ATP2A2: variants seen among roughly 807,000 people sequenced by gnomAD.
ATP2A2 encodes ATPase sarcoplasmic/endoplasmic reticulum Ca2+ transporting 2.
In ATP2A2, 14 loss-of-function variants were observed where a neutral mutation model predicts 109.3. The ratio of observed to expected loss-of-function variants is 0.13; its 90% confidence interval spans 0.08 to 0.20. The LOEUF is 0.20. ATP2A2 is among the 10% of genes least tolerant of loss of function. ATP2A2 has a pLI of 1.00. For synonymous variants in ATP2A2, 506 were observed against 490.9 expected, an observed-to-expected ratio of 1.03 and a Z score of -0.41; for missense variants, 657 against 1,321.6, an observed-to-expected ratio of 0.50 and a Z score of 7.80.
At chr12:110,336,642 T>C (rs1489586585) in intron 11 of ATP2A2, among the ~76,000 whole-genome samples, 1 of 152,216 alleles carries the variant, frequency 6.6e-6, no homozygotes, top group Admixed American at 6.5e-5. Context: ...CCGGTTAGTG[T>C]GAGGCAGCAT....
chr12:110,347,452 G>GT lies in ATP2A2; in HGVS notation c.*983dup. Reference sequence around the variant, plus strand: ...AGGGGAAGAAGGCTCCTGCTCTGCTGTGTAGGTAGTCATAGGAATTGTATT... The same window carrying GT: ...AGGGGAAGAAGGCTCCTGCTCTGCTGTTGTAGGTAGTCATAGGAATTGTATT... On this transcript the variant is annotated 3_prime_UTR_variant, in exon 20 of 20. Transcript: ENST00000539276. 3.9e-6 allele frequency: 5 copies of GT among 1,289,042 alleles called. No homozygotes were observed. The highest frequency in any genetic ancestry group is 4.0e-6 in the Non-Finnish European group (4 of 988,634). 79.9% of individuals were successfully genotyped at this position (1,289,042 alleles called of 1,614,324 possible). A position where few individuals can be genotyped will look rare whatever the true frequency, so the allele number is the denominator to read the frequency against.
At chr12:110,331,967 T>G (rs1878385106) in intron 8 of ATP2A2, 1 of 154,936 alleles carries the variant, frequency 6.5e-6, no homozygotes, top group South Asian at 2.0e-4. Flanking sequence ...ATCTGTATTG[T>G]CTAGGGAACA....
rs1879995195 is a variant in ATP2A2, at chr12:110,347,547, A to G, written c.*1077A>G. The stretch of plus-strand genomic sequence containing the variant: ...GCAAGTTTCTGCTGGCCTGGTATAG[A>G]GAACATAAGGGCAAGTGTGTATGTG... On this transcript the variant is annotated 3_prime_UTR_variant, in exon 20 of 20. Coordinates refer to ENST00000539276, the MANE Select transcript of ATP2A2 (RefSeq NM_170665.4). The G allele has an allele frequency of 7.8e-7, 1 of 1,287,420 alleles. No homozygotes were observed. Among genetic ancestry groups the G allele is most frequent in the South Asian group, 1.2e-5 (1 of 80,956 alleles). 79.7% of individuals were successfully genotyped at this position (1,287,420 alleles called of 1,614,324 possible).
intron 5 of ATP2A2, among the ~76,000 whole-genome samples, chr12:110,320,952 G>A (rs886851646): frequency 6.6e-6 from 1 of 152,234 alleles, no homozygotes; most frequent in African/African-American, 2.4e-5. Flanking sequence ...GTGTTGGCTG[G>A]GTGCAGTGGC....
chr12:110,299,363 G>A (rs908586495), intron 5 of ATP2A2, among the ~76,000 whole-genome samples: 1 of 152,152 alleles, frequency 6.6e-6, no homozygotes, highest in African/African-American at 2.4e-5. Context: ...TGAAGATATA[G>A]GGAGGCTATT....
chr12:110,334,091 A>G lies in ATP2A2; in HGVS notation c.1367A>G (p.Asp456Gly). The G allele has an allele frequency of 6.2e-7, 1 of 1,614,170 alleles. No individual in the cohort carries two copies. The highest frequency in any genetic ancestry group is 8.5e-7 in the Non-Finnish European group (1 of 1,180,048). ...TCLVEKMNVFDTELKGLSKIE... is the reference protein window; with the variant it reads ...TCLVEKMNVFGTELKGLSKIE... ...CTAGTAGAGAAGATGAATGTATTTG[A>G]TACCGAATTGAAGGGTCTTTCTAAA... The change falls in exon 11 of 20, where the codon GAT becomes GGT. Residue 456 changes from aspartate (D) to glycine (G), a missense_variant. Around this residue, in one of 9 missense-constraint regions of ATP2A2, gnomAD observed 180 missense variants for 329.1 expected, o/e 0.55. Coordinates refer to ENST00000539276, the MANE Select transcript of ATP2A2 (RefSeq NM_170665.4).
intron 5 of ATP2A2, among the ~76,000 whole-genome samples, chr12:110,311,840 C>G (rs1021995910): frequency 6.6e-6 from 1 of 151,590 alleles, no homozygotes; most frequent in Non-Finnish European, 1.5e-5. Flanking sequence ...GAGTTTGAGA[C>G]CAGCCTGGGC....
chr12:110,327,696 A>G lies in ATP2A2; in HGVS notation c.774A>G (p.Glu258=), dbSNP rs1877944881. 4 of 1,614,198 alleles carry G rather than the reference A, an allele frequency of 2.5e-6. No homozygotes were observed. The highest frequency in any genetic ancestry group is 1.1e-5 in the South Asian group (1 of 91,084). ...AGCAAAAACTAGATGAATTTGGGGA[A>G]CAGCTTTCCAAAGTCATCTCCCTTA... ...PLQQKLDEFG[E]QLSKVISLIC... is the part of the protein sequence containing the mutation. The change falls in exon 8 of 20, where the codon GAA becomes GAG. Residue 258 remains glutamate, a synonymous_variant. Coordinates refer to ENST00000539276, the MANE Select transcript of ATP2A2 (RefSeq NM_170665.4). This position sits in a 1 kb window ranked among gnomAD's most constrained non-coding sequence, Gnocchi z 4.4.
intron 3 of ATP2A2, among the ~76,000 whole-genome samples, chr12:110,287,669 C>T (rs530155251): frequency 2.2e-4 from 34 of 152,182 alleles, no homozygotes; most frequent in Non-Finnish European, 4.1e-4. Context: ...GATTGGAGTG[C>T]AGTGGTGCGA....
chr12:110,345,427 C>T, intron 18 of ATP2A2, 45 bp downstream of exon 18: 1 of 1,612,666 alleles, frequency 6.2e-7, no homozygotes, highest in Non-Finnish European at 8.5e-7. Context: ...TGGTGACTGC[C>T]AGGGCACCGG....
At chr12:110,302,489 T>C (rs1056940761) in intron 5 of ATP2A2, among the ~76,000 whole-genome samples, 8 of 152,078 alleles carry the variant, frequency 5.3e-5, no homozygotes, top group East Asian at 3.8e-4. Context: ...CCACTTTTTT[T>C]CCCCAGCTCT....
chr12:110,345,711 G>A (rs369507763), intron 18 of ATP2A2: 17 of 570,518 alleles, frequency 3.0e-5, no homozygotes, highest in African/African-American at 9.4e-5. Flanking sequence ...AGTTAAGCCC[G>A]TGACAAAAAT....
chr12:110,347,065 G>T lies in ATP2A2; in HGVS notation c.*595G>T. ...CCCCACCTTACCCCCGCCCCGCTTG[G>T]CTTCTTCTTTAGGATTGTGATGGTT... is the stretch of plus-strand genomic sequence containing the variant. On this transcript the variant is annotated 3_prime_UTR_variant, in exon 20 of 20. Transcript: ENST00000539276. 1 of 1,047,670 alleles carries T rather than the reference G, an allele frequency of 9.5e-7. No homozygotes were observed. The highest frequency in any genetic ancestry group is 5.2e-5 in the Admixed American group (1 of 19,404). 64.9% of individuals were successfully genotyped at this position (1,047,670 alleles called of 1,614,324 possible).
intron 3 of ATP2A2, among the ~76,000 whole-genome samples, chr12:110,285,152 A>G (rs1247743565): frequency 6.6e-6 from 1 of 152,268 alleles, no homozygotes; most frequent in Non-Finnish European, 1.5e-5. Flanking sequence ...ACTAAGTAGT[A>G]AACTGTTAAC....
intron 8 of ATP2A2, chr12:110,332,372 C>A: frequency 1.8e-6 from 1 of 546,992 alleles, no homozygotes; most frequent in Non-Finnish European, 3.3e-6. Flanking sequence ...TCATACTGTT[C>A]GATTGGTCGG....
In ATP2A2 at chr12:110,350,223, TTAAA is replaced by T. The variant is rs949913737; in HGVS notation, c.*3756_*3759del. 6.2e-7 allele frequency: 1 copy of T among 1,614,094 alleles called. No individual in the cohort carries two copies. Among genetic ancestry groups the T allele is most frequent in the Non-Finnish European group, 8.5e-7 (1 of 1,180,004 alleles). On this transcript the variant is annotated 3_prime_UTR_variant, in exon 20 of 20. Coordinates refer to ENST00000539276, the MANE Select transcript of ATP2A2 (RefSeq NM_170665.4). ...TCTGTCGCTGTTGATCTTCATCTAT[TTAAA>T]TAGGTATTCTAACGTTTCCTCTCTG...
Position 110,347,617 on chromosome 12 carries a change from AAATG to A in ATP2A2, c.*1150_*1153del. ...TAAAATCTGTAAATAGCACATGACC[AAATG>A]AACATATTGTATAGAACTATTTTTA... On this transcript the variant is annotated 3_prime_UTR_variant, in exon 20 of 20. Coordinates refer to ENST00000539276, the MANE Select transcript of ATP2A2 (RefSeq NM_170665.4). The A allele has an allele frequency of 9.1e-6, 11 of 1,213,550 alleles. No homozygotes were observed. The highest frequency in any genetic ancestry group is 1.2e-5 in the Non-Finnish European group (11 of 950,978). 75.2% of individuals were successfully genotyped at this position (1,213,550 alleles called of 1,614,324 possible). A position where few individuals can be genotyped will look rare whatever the true frequency, so the allele number is the denominator to read the frequency against.
At position 110,348,037 on chromosome 12, in the gene ATP2A2, C is replaced by T. The variant is rs1055041169; in HGVS notation, c.*1567C>T. On this transcript the variant is annotated 3_prime_UTR_variant, in exon 20 of 20. Transcript: ENST00000539276. ...CCTAGGACAAGATGACCAGGAGGGC[C>T]CAAGCCAGACAAAAGCCGGAGTGGG... The T allele has an allele frequency of 5.1e-6, 5 of 986,508 alleles. 1 individual carries two copies. In the African/African-American group the frequency reaches 8.7e-5, roughly 17 times the overall value. The allele number at this position is 986,508 out of a possible 1,614,324, so 61.1% of individuals were successfully genotyped here.
At chr12:110,343,839 T>C (rs1303441617) in intron 16 of ATP2A2, among the ~76,000 whole-genome samples, 3 of 152,188 alleles carry the variant, frequency 2.0e-5, no homozygotes, top group Non-Finnish European at 4.4e-5. Context: ...GCTGGTCCCT[T>C]TTATATATAA....
Sources: allele counts gnomAD v4.1 joint callset (sites outside exome capture counted in the v4.1 genomes callset), GRCh38; gene constraint gnomAD v4.1.1; regional missense constraint gnomAD v4.1.1; non-coding constraint Gnocchi (gnomAD v3.1); transcripts MANE v1.5; gene names NCBI Gene and HGNC (gene_info 2026-07-23, HGNC 2026-07-21).